PIK3CA: variants seen among roughly 807,000 people sequenced by gnomAD.
PIK3CA encodes the protein phosphatidylinositol-4,5-bisphosphate 3-kinase catalytic subunit alpha.
A neutral mutation model predicts 138.2 loss-of-function variants in PIK3CA; 27 were observed. That is an observed-to-expected ratio of 0.20 (90% CI 0.14 to 0.27). The LOEUF is 0.27. PIK3CA is among the 10% of genes least tolerant of loss of function. The probability of loss-of-function intolerance (pLI) is 1.00; values close to 1 mark genes in which losing one functional copy is unlikely to be tolerated. For synonymous variants in PIK3CA, 358 were observed against 413.2 expected (o/e 0.87, Z 1.62); for missense variants, 544 against 1,277.4 (o/e 0.43, Z 8.75).
At position 179,187,155 on chromosome 3, in the gene PIK3CA, A is replaced by G. The variant is rs142233116; in HGVS notation, c.-76-11595A>G. 1.2e-4 allele frequency among the ~76,000 whole-genome samples: 19 copies of G among 152,186 alleles called. No individual in the cohort carries two copies. In the East Asian group the frequency reaches 3.5e-3, roughly 28 times the overall value. On this transcript the variant is annotated intron_variant, in intron 1 of 20. Coordinates refer to ENST00000263967, the MANE Select transcript of PIK3CA (RefSeq NM_006218.4). ...AGTGTAGGAGTTCTAGCTAGATAATATCTACCATCTCTTTACAACAAGCCT... is the reference window on the plus strand; with the variant it reads ...AGTGTAGGAGTTCTAGCTAGATAATGTCTACCATCTCTTTACAACAAGCCT...
At chr3:179,228,279 G>A (rs1208982458) in intron 17 of PIK3CA, among the ~76,000 whole-genome samples, 1 of 151,864 alleles carries the variant, frequency 6.6e-6, no homozygotes, top group Non-Finnish European at 1.5e-5. Context: ...TGGTTTTTTA[G>A]TATGGTATAA....
chr3:179,229,050 G>T (rs538207965), intron 17 of PIK3CA, among the ~76,000 whole-genome samples: 3 of 152,150 alleles, frequency 2.0e-5, no homozygotes, highest in Admixed American at 2.0e-4. Context: ...AAAATACAGT[G>T]CTTTCTCAGT....
intron 3 of PIK3CA, among the ~76,000 whole-genome samples, chr3:179,200,439 T>C (rs1470742821): frequency 1.3e-5 from 2 of 152,088 alleles, no homozygotes; most frequent in Non-Finnish European, 2.9e-5. Context: ...ATGCATGTCA[T>C]TGTATCAGAT....
At chr3:179,176,761 A>G (rs1364581139) in intron 1 of PIK3CA, among the ~76,000 whole-genome samples, 2 of 152,160 alleles carry the variant, frequency 1.3e-5, no homozygotes, top group Non-Finnish European at 2.9e-5. Flanking sequence ...GCTTTCATGA[A>G]TATTGTTGCA....
chr3:179,193,366 A>G (rs2108380749), intron 1 of PIK3CA, among the ~76,000 whole-genome samples: 1 of 152,360 alleles, frequency 6.6e-6, no homozygotes, highest in Admixed American at 6.5e-5. Flanking sequence ...TGGTGGTCAC[A>G]TGTCAATGCT....
At position 179,161,587 on chromosome 3, in the gene PIK3CA, A is replaced by G. The variant is rs78141014; in HGVS notation, c.-77+12984A>G. On this transcript the variant is annotated intron_variant, in intron 1 of 20. Coordinates refer to ENST00000263967, the MANE Select transcript of PIK3CA (RefSeq NM_006218.4). ...GTGGCGCGTGCCTGTAATCCCAGCT[A>G]TCGGGAGGCTTAGGCAGCAGAATCG... Among the ~76,000 whole-genome samples the G allele has an allele frequency of 5.2e-3, 789 of 152,240 alleles. 2 individuals carry two copies. Among genetic ancestry groups the G allele is most frequent in the African/African-American group, 0.018 (738 of 41,554 alleles).
chr3:179,237,219 A>G lies in PIK3CA; in HGVS notation c.*2855A>G, dbSNP rs140012328. 4.1e-5 allele frequency: 8 copies of G among 194,156 alleles called. No homozygotes were observed. The highest frequency in any genetic ancestry group is 9.2e-5 in the African/African-American group (4 of 43,298). 12.0% of individuals were successfully genotyped at this position (194,156 alleles called of 1,614,324 possible). A position where few individuals can be genotyped will look rare whatever the true frequency, so the allele number is the denominator to read the frequency against. On this transcript the variant is annotated 3_prime_UTR_variant, in exon 21 of 21. Transcript: ENST00000263967. ...ATTGTGGAATTTGTTTTTTTAAAAAAGATGTTTCTAATTGGATTTTTAAAA... is the reference window on the plus strand; with the variant it reads ...ATTGTGGAATTTGTTTTTTTAAAAAGGATGTTTCTAATTGGATTTTTAAAA...
intron 1 of PIK3CA, among the ~76,000 whole-genome samples, chr3:179,191,705 C>T (rs527698382): frequency 6.6e-6 from 1 of 152,240 alleles, no homozygotes; most frequent in African/African-American, 2.4e-5. Flanking sequence ...GGCGCAGTCT[C>T]GGCTCACTGC....
intron 1 of PIK3CA, among the ~76,000 whole-genome samples, chr3:179,182,760 T>G (rs1723881805): frequency 6.6e-6 from 1 of 152,212 alleles, no homozygotes; most frequent in Non-Finnish European, 1.5e-5. Context: ...TCTCATTGCT[T>G]GCTTTTTAAG....
chr3:179,155,780 G>A (rs921969174), intron 1 of PIK3CA, among the ~76,000 whole-genome samples: 9 of 152,094 alleles, frequency 5.9e-5, no homozygotes, highest in African/African-American at 2.2e-4. Context: ...AAACACTTTT[G>A]TATAAGTTAT....
At chr3:179,154,561 C>T (rs1189245979) in intron 1 of PIK3CA, among the ~76,000 whole-genome samples, 1 of 152,028 alleles carries the variant, frequency 6.6e-6, no homozygotes, top group African/African-American at 2.4e-5. Context: ...GGACTAAATT[C>T]CCCTTCGGAC....
In PIK3CA at chr3:179,230,055, A is replaced by G. The variant is rs1339937254; in HGVS notation, c.2718A>G (p.Val906=). The G allele has an allele frequency of 6.2e-7, 1 of 1,613,514 alleles. No homozygotes were observed. Among genetic ancestry groups the G allele is most frequent in the South Asian group, 1.1e-5 (1 of 91,070 alleles). ...CACGTTCATGTGCTGGATACTGTGT[A>G]GCTACCTTCATTTTGGGAATTGGAG... ...LFTRSCAGYC[V]ATFILGIGDR... Residue 906 remains valine (V), a synonymous_variant, in exon 19 of 21, where the codon GTA becomes GTG. Coordinates refer to ENST00000263967, the MANE Select transcript of PIK3CA (RefSeq NM_006218.4). This position sits in a 1 kb window ranked among gnomAD's most constrained non-coding sequence, Gnocchi z 5.4.
At chr3:179,166,224 C>A (rs1723416119) in intron 1 of PIK3CA, among the ~76,000 whole-genome samples, 1 of 152,094 alleles carries the variant, frequency 6.6e-6, no homozygotes, top group Admixed American at 6.6e-5. Flanking sequence ...TTTTAATTAC[C>A]CAGCTTGTAA....
rs1456232611 is a variant in PIK3CA, at chr3:179,237,346, T to C, written c.*2982T>C. The stretch of plus-strand genomic sequence containing the variant: ...GTGTCAAAGTAATCAACTTTGAGAT[T>C]TTCCCTTCTATTCTGCTTTATATTA... On this transcript the variant is annotated 3_prime_UTR_variant, in exon 21 of 21. Transcript: ENST00000263967. 1 of 196,152 alleles carries C rather than the reference T, an allele frequency of 5.1e-6. No individual in the cohort carries two copies. The highest frequency in any genetic ancestry group is 6.1e-5 in the Admixed American group (1 of 16,422). The allele number at this position is 196,152 out of a possible 1,614,324, so 12.2% of individuals were successfully genotyped here.
chr3:179,234,232 C>T lies in PIK3CA; in HGVS notation c.3075C>T (p.Thr1025=), dbSNP rs17849079. The change falls in exon 21 of 21, where the codon ACC becomes ACT. Residue 1025 remains threonine (T), a synonymous_variant. Transcript: ENST00000263967. This position sits in a 1 kb window ranked among gnomAD's most constrained non-coding sequence, Gnocchi z 5.1. The part of the protein sequence containing the change: ...SFDDIAYIRK[T]LALDKTEQEA... ...ATGACATTGCATACATTCGAAAGAC[C>T]CTAGCCTTAGATAAAACTGAGCAAG... The T allele has an allele frequency of 0.013, 20,489 of 1,613,582 alleles. 989 individuals carry two copies. The South Asian group carries it at 0.13, about 10-fold the overall frequency.
At chr3:179,174,867 T>C (rs1327180147) in intron 1 of PIK3CA, among the ~76,000 whole-genome samples, 1 of 152,232 alleles carries the variant, frequency 6.6e-6, no homozygotes, top group African/African-American at 2.4e-5. Context: ...ATCTCAGAAA[T>C]CTGCTTAGTT....
At chr3:179,183,791 A>G (rs1039789982) in intron 1 of PIK3CA, among the ~76,000 whole-genome samples, 2 of 152,242 alleles carry the variant, frequency 1.3e-5, no homozygotes, top group African/African-American at 4.8e-5. Flanking sequence ...TCAGGGACCT[A>G]AGTATTTATA....
chr3:179,206,030 A>G (rs879439616), intron 6 of PIK3CA, among the ~76,000 whole-genome samples: 2 of 151,880 alleles, frequency 1.3e-5, no homozygotes, highest in Non-Finnish European at 2.9e-5. Flanking sequence ...ACTGTAGGTC[A>G]GAAAACGTAT....
chr3:179,214,428 G>A (rs1390461205), intron 9 of PIK3CA, among the ~76,000 whole-genome samples: 2 of 152,122 alleles, frequency 1.3e-5, no homozygotes, highest in African/African-American at 2.4e-5. Context: ...AGGAGCAAAG[G>A]TTGGTCGGTG....
Sources: allele counts gnomAD v4.1 joint callset (sites outside exome capture counted in the v4.1 genomes callset), GRCh38; gene constraint gnomAD v4.1.1; non-coding constraint Gnocchi (gnomAD v3.1); transcripts MANE v1.5; gene names NCBI Gene and HGNC (gene_info 2026-07-23, HGNC 2026-07-21).